RIMS1: variants seen among roughly 807,000 people sequenced by gnomAD.
The protein encoded by RIMS1 is regulating synaptic membrane exocytosis protein 1.
RIMS1 carries 83 observed loss-of-function variants against 214.1 expected under a neutral mutation model. That is an observed-to-expected ratio of 0.39 (90% CI 0.32 to 0.47). The LOEUF is 0.47. Among genes scored for constraint, RIMS1 ranks in the 20% least tolerant of loss-of-function variants. The pLI is 0.99. For missense variants in RIMS1, 2,050 were observed against 2,161.8 expected, an observed-to-expected ratio of 0.95 and a Z score of 1.03; for synonymous variants, 793 against 786.8, an observed-to-expected ratio of 1.01 and a Z score of -0.13.
intron 29 of RIMS1, among the ~76,000 whole-genome samples, chr6:72,356,675 G>A (rs745928106): frequency 7.2e-5 from 11 of 151,924 alleles, no homozygotes; most frequent in East Asian, 1.9e-4. Flanking sequence ...CAGGAGAATC[G>A]CTTGAACCCC....
intron 29 of RIMS1, among the ~76,000 whole-genome samples, chr6:72,376,347 G>A (rs1056016574): frequency 7.2e-5 from 11 of 152,022 alleles, no homozygotes; most frequent in Admixed American, 4.6e-4. Context: ...CCCAGTCCCC[G>A]GTGTGTTAAT....
intron 6 of RIMS1, among the ~76,000 whole-genome samples, chr6:72,195,622 G>A (rs562195772): frequency 9.9e-5 from 15 of 152,140 alleles, no homozygotes; most frequent in Non-Finnish European, 1.9e-4. Flanking sequence ...TCCTTTAAAT[G>A]TAACTTATGC....
chr6:72,389,992 AATTAAG>A (rs2098676668), intron 29 of RIMS1, among the ~76,000 whole-genome samples: 3 of 152,200 alleles, frequency 2.0e-5, no homozygotes, highest in African/African-American at 7.2e-5. Context: ...GTAGTCTTTG[AATTAAG>A]ATAAAACCTG....
chr6:72,329,977 A>G (rs1312038060), intron 28 of RIMS1, among the ~76,000 whole-genome samples: 2 of 151,782 alleles, frequency 1.3e-5, no homozygotes, highest in Non-Finnish European at 2.9e-5. Flanking sequence ...TCTGCAGCAT[A>G]TAGATACTAC....
Position 72,009,348 on chromosome 6 carries a change from A to C in RIMS1, c.245+40285A>C, listed in dbSNP as rs1204574852. Among the ~76,000 whole-genome samples the C allele has an allele frequency of 2.0e-5, 3 of 152,356 alleles. No homozygotes were observed. The East Asian group carries it at 5.8e-4, about 29-fold the overall frequency. ...CAGTGTGTAGAGGGAAATTTATAGC[A>C]GTAAATGCCCACAAGAGAAAGCAGG... On this transcript the variant is annotated intron_variant, in intron 2 of 33. Coordinates refer to ENST00000521978, the MANE Select transcript of RIMS1 (RefSeq NM_014989.7).
chr6:72,071,786 A>G (rs375716935), intron 2 of RIMS1, among the ~76,000 whole-genome samples: 3 of 152,318 alleles, frequency 2.0e-5, no homozygotes. Context: ...ATAATGGAAT[A>G]GATATCTGAA....
At chr6:72,200,857 TTGTG>T (rs70994114) in intron 6 of RIMS1, among the ~76,000 whole-genome samples, 52,331 of 145,982 alleles carry the variant, frequency 0.36, 9,828 homozygotes, top group East Asian at 0.68. Context: ...AAGGACACAA[TTGTG>T]TGTGTGTGTG....
chr6:72,366,689 T>C (rs1054246538), intron 29 of RIMS1: 21 of 984,714 alleles, frequency 2.1e-5, no homozygotes, highest in Non-Finnish European at 2.4e-5. Flanking sequence ...TGTCGGAGGG[T>C]GAGGGAGGAG....
At chr6:72,311,737 G>A (rs529995402) in intron 27 of RIMS1, among the ~76,000 whole-genome samples, 2 of 152,112 alleles carry the variant, frequency 1.3e-5, no homozygotes, top group African/African-American at 2.4e-5. Context: ...TAGGGAGGCC[G>A]AGGTGGGTGG....
At chr6:72,119,751 C>T (rs2037839859) in intron 4 of RIMS1, among the ~76,000 whole-genome samples, 1 of 151,490 alleles carries the variant, frequency 6.6e-6, no homozygotes, top group Admixed American at 6.6e-5. Context: ...TGTGCTGCAC[C>T]CATTAACTCG....
At chr6:72,221,112 G>A (rs1030874888) in intron 6 of RIMS1, among the ~76,000 whole-genome samples, 2 of 152,038 alleles carry the variant, frequency 1.3e-5, no homozygotes, top group Non-Finnish European at 2.9e-5. Flanking sequence ...TTGCTATATA[G>A]AGTCTTTAAA....
intron 28 of RIMS1, among the ~76,000 whole-genome samples, chr6:72,326,403 GTC>G (rs1478770151): frequency 1.3e-5 from 2 of 151,736 alleles, no homozygotes; most frequent in African/African-American, 4.8e-5. Flanking sequence ...AGATTTGATT[GTC>G]TTACATTACC....
chr6:72,341,798 A>G (rs888499873), intron 29 of RIMS1, among the ~76,000 whole-genome samples: 11 of 151,850 alleles, frequency 7.2e-5, no homozygotes, highest in Non-Finnish European at 2.9e-5. Context: ...GAGGGCACAT[A>G]CAGAATTGGT....
chr6:72,184,366 G>A (rs996970720), intron 6 of RIMS1, among the ~76,000 whole-genome samples: 31 of 152,310 alleles, frequency 2.0e-4, no homozygotes, highest in African/African-American at 7.2e-4. Flanking sequence ...GACTATTGTT[G>A]AAAAAGAAAT....
intron 30 of RIMS1, among the ~76,000 whole-genome samples, chr6:72,391,665 A>G (rs2098705038): frequency 6.6e-6 from 1 of 152,120 alleles, no homozygotes; most frequent in African/African-American, 2.4e-5. Flanking sequence ...ATTCCTTCCC[A>G]TTCCTGAAAC....
At chr6:72,299,089 G>A (rs919940588) in intron 26 of RIMS1, among the ~76,000 whole-genome samples, 1 of 151,840 alleles carries the variant, frequency 6.6e-6, no homozygotes, top group Non-Finnish European at 1.5e-5. Context: ...TTCTTGGACA[G>A]TTTTAAAGAG....
chr6:72,253,462 A>G (rs982304915), intron 16 of RIMS1, among the ~76,000 whole-genome samples: 2 of 152,270 alleles, frequency 1.3e-5, no homozygotes, highest in East Asian at 1.9e-4. Context: ...TTCTCATCTG[A>G]CTTCTGTCAG....
chr6:72,214,700 A>G (rs1055054281), intron 6 of RIMS1, among the ~76,000 whole-genome samples: 20 of 152,244 alleles, frequency 1.3e-4, no homozygotes, highest in African/African-American at 4.3e-4. Flanking sequence ...ACTTGAGCCT[A>G]CATAGGCTTA....
chr6:72,244,503 A>AT (rs1018901176), intron 10 of RIMS1, among the ~76,000 whole-genome samples: 1 of 151,800 alleles, frequency 6.6e-6, no homozygotes. Context: ...TATGAGGCTG[A>AT]TTTTTTAAGA....
Sources: gnomAD v4.1 joint callset for allele counts (sites outside exome capture counted in the v4.1 genomes callset) on GRCh38, gnomAD v4.1.1 for gene constraint, MANE v1.5 for transcripts, NCBI Gene and HGNC (gene_info 2026-07-23, HGNC 2026-07-21) for gene names.